BRF1: variants seen among roughly 807,000 people sequenced by gnomAD.
The protein encoded by BRF1 is BRF1 general transcription factor IIIB subunit.
A neutral mutation model predicts 81.7 loss-of-function variants in BRF1; 59 were observed. The ratio of observed to expected loss-of-function variants is 0.72; its 90% confidence interval spans 0.59 to 0.90. The LOEUF (loss-of-function observed/expected upper bound fraction) is 0.90. Among genes scored for constraint, BRF1 ranks in the 40% least tolerant of loss-of-function variants. The probability of loss-of-function intolerance (pLI) is 0.00; values close to 1 mark genes in which losing one functional copy is unlikely to be tolerated. For missense variants in BRF1, 1,050 were observed against 936.3 expected (o/e 1.12, Z -1.58); for synonymous variants, 491 against 395.6 (o/e 1.24, Z -2.86).
intron 5 of BRF1, chr14:105,247,044 C>T (rs2055170926): frequency 1.0e-6 from 1 of 985,334 alleles, no homozygotes; most frequent in Admixed American, 6.2e-5. Context: ...ATTTGTATTT[C>T]TCCTGGAAAC....
At chr14:105,261,814 G>A (rs1420838542) in intron 3 of BRF1, among the ~76,000 whole-genome samples, 1 of 152,198 alleles carries the variant, frequency 6.6e-6, no homozygotes, top group African/African-American at 2.4e-5. Flanking sequence ...TGGAGAGGGG[G>A]ACTGCGGCGC....
intron 1 of BRF1, among the ~76,000 whole-genome samples, chr14:105,296,748 G>A (rs868517662): frequency 1.9e-4 from 29 of 150,372 alleles, no homozygotes; most frequent in South Asian, 1.9e-3. Context: ...TAGGAAACAG[G>A]ACAACACACA....
chr14:105,229,319 G>A (rs1320284906), intron 6 of BRF1, among the ~76,000 whole-genome samples: 1 of 152,186 alleles, frequency 6.6e-6, no homozygotes, highest in South Asian at 2.1e-4. Context: ...GGTTCACCAA[G>A]GCCACAGTGG....
intron 2 of BRF1, among the ~76,000 whole-genome samples, chr14:105,285,651 T>G (rs1469449839): frequency 6.6e-6 from 1 of 152,152 alleles, no homozygotes; most frequent in Non-Finnish European, 1.5e-5. Context: ...AGAGACTAAA[T>G]AGGTAAACTG....
intron 1 of BRF1, among the ~76,000 whole-genome samples, chr14:105,299,572 C>G (rs1196823619): frequency 6.6e-6 from 1 of 152,082 alleles, no homozygotes; most frequent in Non-Finnish European, 1.5e-5. Flanking sequence ...GAGATCCTGT[C>G]TCGAGATAAA....
intron 16 of BRF1, 160 bp downstream of exon 16, chr14:105,211,953 G>T: frequency 3.7e-6 from 4 of 1,089,844 alleles, no homozygotes; most frequent in African/African-American, 1.6e-5. Context: ...CCCACCCTCG[G>T]GCCTCGATTC....
intron 2 of BRF1, among the ~76,000 whole-genome samples, chr14:105,280,998 G>A (rs200792708): frequency 0.084 from 9,729 of 116,446 alleles, 611 homozygotes; most frequent in Non-Finnish European, 0.13. Context: ...GAGCCCGGGT[G>A]TGTGGATACA....
Position 105,284,157 on chromosome 14 carries a change from A to G in BRF1, c.265+2139T>C, listed in dbSNP as rs944916222. On this transcript the variant is annotated intron_variant, in intron 2 of 17. Transcript: ENST00000547530. This position sits in a 1 kb window ranked among gnomAD's most constrained non-coding sequence, Gnocchi z 4.0. ...AAACGCATTCAAGCGCCCAACACAC[A>G]TGCACGTCCACAAAACTGGCCTTCC... 1.3e-5 allele frequency among the ~76,000 whole-genome samples: 2 copies of G among 152,098 alleles called. No homozygotes were observed. The highest frequency in any genetic ancestry group is 2.9e-5 in the Non-Finnish European group (2 of 68,008).
chr14:105,259,516 C>A (rs2056048312), intron 3 of BRF1, among the ~76,000 whole-genome samples: 1 of 152,162 alleles, frequency 6.6e-6, no homozygotes, highest in African/African-American at 2.4e-5. Context: ...TCAGAACAGC[C>A]AAAAACGGGG....
intron 3 of BRF1, among the ~76,000 whole-genome samples, chr14:105,266,589 G>C (rs1595426613): frequency 1.3e-5 from 2 of 152,098 alleles, no homozygotes; most frequent in African/African-American, 4.8e-5. Flanking sequence ...AGCTGATAAA[G>C]AGTCCTATAC....
chr14:105,302,199 T>TC (rs888410769), upstream of BRF1, among the ~76,000 whole-genome samples: 2 of 150,394 alleles, frequency 1.3e-5, no homozygotes, highest in African/African-American at 4.9e-5. Flanking sequence ...CTCTTTTTTT[T>TC]CTTTCTTTTT....
intron 5 of BRF1, 156 bp from the exon 6 acceptor site, chr14:105,241,570 C>G (rs968244455): frequency 1.0e-6 from 1 of 973,542 alleles, no homozygotes; most frequent in African/African-American, 1.6e-5. Flanking sequence ...CTCTCTGACC[C>G]TCAGCTAGGG....
intron 5 of BRF1, chr14:105,241,652 G>A (rs1199706949): frequency 1.7e-6 from 1 of 580,114 alleles, no homozygotes; most frequent in Non-Finnish European, 3.1e-6. Context: ...ACACGCTAGG[G>A]CCAGGCAGCG....
chr14:105,242,986 C>G (rs2054807223), intron 5 of BRF1, among the ~76,000 whole-genome samples: 1 of 151,276 alleles, frequency 6.6e-6, no homozygotes, highest in African/African-American at 2.4e-5. Flanking sequence ...CGTGGTGGTG[C>G]ACGCCTGTAA....
intron 15 of BRF1, among the ~76,000 whole-genome samples, chr14:105,215,028 G>A (rs1172863969): frequency 6.6e-6 from 1 of 152,200 alleles, no homozygotes; most frequent in African/African-American, 2.4e-5. Context: ...AGTGTGGGGG[G>A]TCCCCAGCCC....
chr14:105,228,569 C>T lies in BRF1; in HGVS notation c.788+251G>A, dbSNP rs587640828. Among the ~76,000 whole-genome samples, 104 of 151,210 alleles carry T rather than the reference C, an allele frequency of 6.9e-4. 1 individual carries two copies. Among genetic ancestry groups the T allele is most frequent in the East Asian group, 1.4e-3 (7 of 5,138 alleles). ...AAAAAAAAAAAAAAAATACAGGGAT[C>T]GGAGGAGGAGGATGCCTCCGCAGGA... On this transcript the variant is annotated intron_variant, in intron 7 of 17. Transcript: ENST00000547530.
Position 105,210,990 on chromosome 14 carries a change from G to C in BRF1, c.1996+132C>G, listed in dbSNP as rs1349843104. ...CATGACCAATTTACAAAATGTCTTA[G>C]TTCAAATTTCTTTCCAGGGAGAAAC... is the stretch of plus-strand genomic sequence containing the variant. On this transcript the variant is annotated intron_variant, in intron 17 of 17. Transcript: ENST00000547530. This position sits in a 1 kb window ranked among gnomAD's most constrained non-coding sequence, Gnocchi z 4.7. The C allele has an allele frequency of 8.2e-6, 12 of 1,464,882 alleles. No homozygotes were observed. Among genetic ancestry groups the C allele is most frequent in the Non-Finnish European group, 1.1e-5 (12 of 1,095,200 alleles). The allele number at this position is 1,464,882 out of a possible 1,614,324, so 90.7% of individuals were successfully genotyped here.
intron 15 of BRF1, chr14:105,217,275 C>T (rs1004163169): frequency 4.8e-5 from 28 of 581,586 alleles, no homozygotes; most frequent in Non-Finnish European, 7.0e-5. Context: ...TGTCCCAGCC[C>T]CTCCTTGGGA....
intron 7 of BRF1, chr14:105,227,892 G>C (rs1193079485): frequency 1.3e-5 from 2 of 152,256 alleles, no homozygotes; most frequent in East Asian, 1.9e-4. Context: ...CAGCAGTCCT[G>C]TGTTTAAGAT....
Sources: allele counts gnomAD v4.1 joint callset (sites outside exome capture counted in the v4.1 genomes callset), GRCh38; gene constraint gnomAD v4.1.1; non-coding constraint Gnocchi (gnomAD v3.1); transcripts MANE v1.5; gene names NCBI Gene and HGNC (gene_info 2026-07-23, HGNC 2026-07-21).